The following CORO1C variants were observed in gnomAD, a reference collection of about 807,000 sequenced individuals.
CORO1C encodes coronin-1C.
Under a neutral mutation model 51.2 loss-of-function variants are expected in CORO1C, and 14 were observed. That is an observed-to-expected ratio of 0.27 (90% CI 0.18 to 0.43). The LOEUF is 0.43. Among genes scored for constraint, CORO1C ranks in the 20% least tolerant of loss-of-function variants. The probability of loss-of-function intolerance (pLI) is 1.00; values close to 1 mark genes in which losing one functional copy is unlikely to be tolerated. For synonymous variants in CORO1C, 181 were observed against 210.5 expected, an observed-to-expected ratio of 0.86 and a Z score of 1.21; for missense variants, 417 against 607.8, an observed-to-expected ratio of 0.69 and a Z score of 3.30.
intron 3 of CORO1C, among the ~76,000 whole-genome samples, chr12:108,671,161 C>A (rs1185030865): frequency 6.6e-6 from 1 of 151,898 alleles, no homozygotes; most frequent in African/African-American, 2.4e-5. Flanking sequence ...TGTGAGAAAC[C>A]TCGTCTCTAC....
intron 1 of CORO1C, among the ~76,000 whole-genome samples, chr12:108,707,609 A>C (rs2035063083): frequency 6.6e-6 from 1 of 152,202 alleles, no homozygotes; most frequent in Admixed American, 6.5e-5. Context: ...CAAAAGCACA[A>C]GCAACAAAAG....
chr12:108,648,813 G>T lies in CORO1C; in HGVS notation c.1097C>A (p.Ala366Glu), dbSNP rs765734485. ...TGCCTCCAGCGCGGCCTCTGGCCCC[G>T]CTGTGTCAGGATACAGGTCATCTTG... The part of the protein sequence containing the change: ...LFQDDLYPDT[A>E]GPEAALEAEE... The change falls in exon 10 of 11, where the codon GCG (alanine) becomes GAG (glutamate). Residue 366 changes from alanine to glutamate, a missense_variant. Ala to Glu is a moderately radical substitution (Grantham distance 107). Coordinates refer to ENST00000261401, the MANE Select transcript of CORO1C (RefSeq NM_014325.4). 1.2e-6 allele frequency: 2 copies of T among 1,614,198 alleles called. No homozygotes were observed. The highest frequency in any genetic ancestry group is 2.7e-5 in the African/African-American group (2 of 75,058).
chr12:108,664,968 C>T (rs1323647102), intron 3 of CORO1C, among the ~76,000 whole-genome samples: 3 of 152,214 alleles, frequency 2.0e-5, no homozygotes, highest in African/African-American at 7.2e-5. Flanking sequence ...TTAGAACTGA[C>T]AGAGTGGTAA....
chr12:108,716,763 C>G (rs1445279662), intron 1 of CORO1C, among the ~76,000 whole-genome samples: 1 of 152,216 alleles, frequency 6.6e-6, no homozygotes, highest in Non-Finnish European at 1.5e-5. Flanking sequence ...ACATCCCCCC[C>G]AGTAAAACAG....
intron 3 of CORO1C, among the ~76,000 whole-genome samples, chr12:108,676,382 T>A (rs189945439): frequency 3.9e-5 from 6 of 152,304 alleles, no homozygotes; most frequent in Admixed American, 3.3e-4. Flanking sequence ...CTATTTTTTT[T>A]AAAAGGATAA....
At chr12:108,654,977 A>C (rs1035147605) in intron 6 of CORO1C, among the ~76,000 whole-genome samples, 1 of 152,172 alleles carries the variant, frequency 6.6e-6, no homozygotes, top group Non-Finnish European at 1.5e-5. Flanking sequence ...AAGTGCTGGG[A>C]TTACAGGAAT....
chr12:108,657,215 T>C, intron 6 of CORO1C, 89 bp downstream of exon 6: 1 of 1,489,532 alleles, frequency 6.7e-7, no homozygotes, highest in Non-Finnish European at 9.0e-7. Flanking sequence ...ACACTAAGAA[T>C]CCCATAATCT....
At chr12:108,685,540 A>G (rs1282237064) in intron 2 of CORO1C, among the ~76,000 whole-genome samples, 1 of 151,868 alleles carries the variant, frequency 6.6e-6, no homozygotes, top group Non-Finnish European at 1.5e-5. Context: ...TCAAGAAGCA[A>G]AGATCTAAAA....
chr12:108,691,114 A>C (rs1317375763), intron 2 of CORO1C, among the ~76,000 whole-genome samples: 2 of 152,090 alleles, frequency 1.3e-5, no homozygotes, highest in Non-Finnish European at 2.9e-5. Flanking sequence ...GGAGGGGCTA[A>C]TGCCTTGGGC....
intron 2 of CORO1C, among the ~76,000 whole-genome samples, chr12:108,681,938 T>C (rs773128963): frequency 1.0e-4 from 15 of 150,110 alleles, no homozygotes; most frequent in Non-Finnish European, 2.1e-4. Context: ...CCATTTAAGG[T>C]AAAAGGCATA....
chr12:108,662,870 T>C (rs758325466), intron 3 of CORO1C, among the ~76,000 whole-genome samples: 6 of 152,042 alleles, frequency 3.9e-5, no homozygotes, highest in Admixed American at 6.5e-5. Context: ...AAGGACACTA[T>C]GAAGAAAGTG....
intron 3 of CORO1C, among the ~76,000 whole-genome samples, chr12:108,675,493 G>GAAAA (rs373842865): frequency 6.7e-6 from 1 of 150,204 alleles, no homozygotes; most frequent in Admixed American, 6.6e-5. Flanking sequence ...AAGGAACGGG[G>GAAAA]AAAAAAAAAC....
At chr12:108,706,186 C>CA (rs368147183) in intron 1 of CORO1C, among the ~76,000 whole-genome samples, 48,806 of 115,682 alleles carry the variant, frequency 0.42, 10,623 homozygotes, top group East Asian at 0.82. Context: ...GACTCTGAAT[C>CA]AAAAAAAAAC....
intron 2 of CORO1C, among the ~76,000 whole-genome samples, chr12:108,688,310 TA>T (rs1018386761): frequency 2.6e-5 from 4 of 151,882 alleles, no homozygotes; most frequent in Non-Finnish European, 4.4e-5. Flanking sequence ...CTGAGTACAA[TA>T]AAAAAAACTG....
At chr12:108,726,708 C>T (rs1205143827) in intron 1 of CORO1C, among the ~76,000 whole-genome samples, 1 of 150,472 alleles carries the variant, frequency 6.6e-6, no homozygotes, top group African/African-American at 2.4e-5. Flanking sequence ...ATCCAATTTA[C>T]AACCATTCTC....
intron 1 of CORO1C, among the ~76,000 whole-genome samples, chr12:108,716,638 T>C (rs1249734871): frequency 6.6e-6 from 1 of 152,196 alleles, no homozygotes; most frequent in Non-Finnish European, 1.5e-5. Flanking sequence ...AGCTAGATCA[T>C]TTTGGTCCTC....
chr12:108,653,612 A>C (rs918712200), intron 7 of CORO1C, among the ~76,000 whole-genome samples: 5 of 152,224 alleles, frequency 3.3e-5, no homozygotes, highest in African/African-American at 1.2e-4. Flanking sequence ...CCCACTTACA[A>C]AAATGAAATA....
intron 1 of CORO1C, among the ~76,000 whole-genome samples, chr12:108,707,524 T>TAAA (rs1365937273): frequency 6.6e-6 from 1 of 152,158 alleles, no homozygotes; most frequent in Non-Finnish European, 1.5e-5. Flanking sequence ...GCTAAAACTA[T>TAAA]AAAACTCTGA....
chr12:108,677,363 C>T (rs1174660865), intron 3 of CORO1C, among the ~76,000 whole-genome samples: 2 of 152,154 alleles, frequency 1.3e-5, no homozygotes, highest in Non-Finnish European at 2.9e-5. Context: ...TCACACATAA[C>T]CTACTTTTGG....
Sources: gnomAD v4.1 joint callset for allele counts (sites outside exome capture counted in the v4.1 genomes callset) on GRCh38, gnomAD v4.1.1 for gene constraint, MANE v1.5 for transcripts, NCBI Gene and HGNC (gene_info 2026-07-23, HGNC 2026-07-21) for gene names.